Variants in MYO5B observed in about 807,000 individuals in gnomAD.
The protein encoded by MYO5B is myosin VB, also known as unconventional myosin-Vb.
A neutral mutation model predicts 229.3 loss-of-function variants in MYO5B; 143 were observed. The ratio of observed to expected loss-of-function variants is 0.62; its 90% CI spans 0.54 to 0.72. The LOEUF (loss-of-function observed/expected upper bound fraction) is 0.72, where lower values mean the gene tolerates loss of function less well. Ranked by LOEUF, MYO5B falls within the 30% of genes least tolerant of loss-of-function variation. The probability of loss-of-function intolerance (pLI) is 0.00; values close to 1 mark genes in which losing one functional copy is unlikely to be tolerated. For synonymous variants in MYO5B, 918 were observed against 885.2 expected (o/e 1.04, Z -0.66); for missense variants, 2,321 against 2,331.0 (o/e 1.00, Z 0.09).
intron 1 of MYO5B, among the ~76,000 whole-genome samples, chr18:50,170,065 A>G (rs2032904133): frequency 7.8e-6 from 1 of 128,156 alleles, no homozygotes; most frequent in African/African-American, 3.0e-5. Flanking sequence ...AAGACAGAAG[A>G]CTATGATTCC....
intron 5 of MYO5B, among the ~76,000 whole-genome samples, chr18:49,998,927 T>G (rs1167102166): frequency 6.6e-6 from 1 of 152,222 alleles, no homozygotes; most frequent in East Asian, 1.9e-4. Context: ...ATGGCAGTGA[T>G]GGATGTACAA....
chr18:49,878,051 C>T (rs759825610), intron 24 of MYO5B, among the ~76,000 whole-genome samples, 169 bp from the exon 25 acceptor site: 16 of 152,192 alleles, frequency 1.1e-4, no homozygotes, highest in Non-Finnish European at 1.9e-4. Flanking sequence ...TGAAACATTT[C>T]ACCTACAGTT....
chr18:50,112,490 G>A (rs1004806309), intron 1 of MYO5B, among the ~76,000 whole-genome samples: 3 of 152,144 alleles, frequency 2.0e-5, no homozygotes, highest in African/African-American at 4.8e-5. Flanking sequence ...CTCCAAAGAC[G>A]GCCGCATGGG....
intron 1 of MYO5B, among the ~76,000 whole-genome samples, chr18:50,061,734 ATGCAC>A (rs1485602368): frequency 6.6e-6 from 1 of 152,178 alleles, no homozygotes; most frequent in Non-Finnish European, 1.5e-5. Flanking sequence ...CAAGTGATGA[ATGCAC>A]TGTCAGAATT....
intron 1 of MYO5B, among the ~76,000 whole-genome samples, chr18:50,179,794 G>A (rs962723420): frequency 4.6e-5 from 7 of 152,162 alleles, no homozygotes; most frequent in Admixed American, 3.3e-4. Flanking sequence ...CCTGGTTCCC[G>A]AAAGAGCCTC....
At chr18:50,115,976 T>G (rs1599032359) in intron 1 of MYO5B, among the ~76,000 whole-genome samples, 1 of 152,300 alleles carries the variant, frequency 6.6e-6, no homozygotes, top group South Asian at 2.1e-4. Flanking sequence ...AAACTAACAA[T>G]GCAACACCAT....
At chr18:49,950,607 C>G (rs2144239428) in intron 14 of MYO5B, among the ~76,000 whole-genome samples, 1 of 152,246 alleles carries the variant, frequency 6.6e-6, no homozygotes, top group Admixed American at 6.5e-5. Flanking sequence ...AATTAAATTA[C>G]AGAGGACTAC....
At chr18:50,158,831 T>C (rs1278340182) in intron 1 of MYO5B, among the ~76,000 whole-genome samples, 2 of 152,220 alleles carry the variant, frequency 1.3e-5, no homozygotes, top group African/African-American at 4.8e-5. Context: ...TCCTGGCACA[T>C]TGTGGAAAGC....
rs2144066627 is a variant in MYO5B, at chr18:49,856,816, G to A, written c.4019C>T (p.Ala1340Val). Residue 1340 changes from alanine to valine, a missense_variant, in exon 30 of 40, where the codon GCC becomes GTC. Around this residue, in one of 2 missense-constraint regions of MYO5B, gnomAD observed 2,113 missense variants for 2,044.7 expected, o/e 1.03. Coordinates refer to ENST00000285039, the MANE Select transcript of MYO5B (RefSeq NM_001080467.3). The part of the protein sequence containing the change: ...GLAYQGLKQV[A>V]RLLEAQLQAQ... ...GGAAGAAAGGAATATGTTCCACCTG[G>A]CAACTTGCTTTAGGCCTTGGTAGGC... The A allele has an allele frequency of 6.2e-7, 1 of 1,612,618 alleles. No individual in the cohort carries two copies. Among genetic ancestry groups the A allele is most frequent in the Non-Finnish European group, 8.5e-7 (1 of 1,178,552 alleles).
chr18:50,166,767 T>A (rs540836956), intron 1 of MYO5B, among the ~76,000 whole-genome samples: 1 of 152,202 alleles, frequency 6.6e-6, no homozygotes, highest in East Asian at 1.9e-4. Flanking sequence ...ATATGGAAAA[T>A]ACCACTGAGA....
rs559894482 is a variant in MYO5B at position 49,928,683 on chromosome 18, T to C, written c.2090+829A>G. On this transcript the variant is annotated intron_variant, in intron 17 of 39. Transcript: ENST00000285039. ...AAAGACACTGGCACAGGCATGTTAA[T>C]AGTAGCAGAATTTGCAATTGCAAAA... is the stretch of plus-strand genomic sequence containing the variant. 7.2e-5 allele frequency among the ~76,000 whole-genome samples: 11 copies of C among 152,212 alleles called. No individual in the cohort carries two copies. In the East Asian group the frequency reaches 1.4e-3, roughly 19 times the overall value.
At chr18:50,122,637 GAGAGAGAGAGAGAGAGA>G (rs1568115358) in intron 1 of MYO5B, among the ~76,000 whole-genome samples, 6 of 1,390 alleles carry the variant, frequency 4.3e-3, no homozygotes, top group Admixed American at 0.014. Context: ...GGGGGGGGGA[GAGAGAGAGAGAGAGAGA>G]GAGAGAGAGA....
At chr18:49,837,407 C>CA (rs1568603183) in intron 37 of MYO5B, 110 bp downstream of exon 37, 30 of 1,339,712 alleles carry the variant, frequency 2.2e-5, no homozygotes, top group Non-Finnish European at 2.9e-5. Context: ...CAAGGACTGT[C>CA]AATTAGATTT....
chr18:50,047,997 G>C (rs2030284195), intron 2 of MYO5B, among the ~76,000 whole-genome samples: 1 of 151,344 alleles, frequency 6.6e-6, no homozygotes, highest in South Asian at 2.1e-4. Context: ...TAAATGACCA[G>C]TTAATGGGTG....
At chr18:49,904,565 AG>A in intron 20 of MYO5B, 106 bp downstream of exon 20, 1 of 1,384,860 alleles carries the variant, frequency 7.2e-7, no homozygotes, top group Non-Finnish European at 1.0e-6. Context: ...GAAAGCATTT[AG>A]AAAAAAGTTG....
chr18:50,156,758 A>G (rs1190325958), intron 1 of MYO5B, among the ~76,000 whole-genome samples: 1 of 152,234 alleles, frequency 6.6e-6, no homozygotes, highest in Non-Finnish European at 1.5e-5. Flanking sequence ...TTAACAGTGT[A>G]TCTTACATGT....
rs368787390 is a variant in MYO5B, at chr18:49,984,739, G to A, written c.925C>T (p.Arg309Ter). 6.2e-7 allele frequency: 1 copy of A among 1,612,644 alleles called. No homozygotes were observed. Among genetic ancestry groups the A allele is most frequent in the Non-Finnish European group, 8.5e-7 (1 of 1,178,656 alleles). The change falls in exon 8 of 40, where the codon CGA (arginine) becomes TGA (stop). Residue 309 changes from arginine to a stop codon, truncating the protein, a stop_gained. Coordinates refer to ENST00000285039, the MANE Select transcript of MYO5B (RefSeq NM_001080467.3). LOFTEE classifies it high-confidence loss of function. Reference protein sequence around the residue: ...VDDAEDFEKTRQAFTLLGVKE... With the variant: ...VDDAEDFEKT ...TTACCGAGGAGTGTGAAGGCTTGTC[G>A]AGTCTTCTCAAAGTCCTCAGCATCG...
intron 22 of MYO5B, among the ~76,000 whole-genome samples, chr18:49,893,609 C>T (rs1366246349): frequency 8.5e-5 from 13 of 152,214 alleles, no homozygotes; most frequent in Admixed American, 7.2e-4. Flanking sequence ...CTCAAAGCAG[C>T]ACATCAGGAG....
intron 1 of MYO5B, among the ~76,000 whole-genome samples, chr18:50,145,173 G>A (rs2032479673): frequency 6.6e-6 from 1 of 152,046 alleles, no homozygotes; most frequent in African/African-American, 2.4e-5. Flanking sequence ...CTACTTCTGG[G>A]TGTCTATAGA....
Sources: allele counts gnomAD v4.1 joint callset (sites outside exome capture counted in the v4.1 genomes callset), GRCh38; gene constraint gnomAD v4.1.1; regional missense constraint gnomAD v4.1.1; transcripts MANE v1.5; gene names NCBI Gene and HGNC (gene_info 2026-07-23, HGNC 2026-07-21).